The following MCMBP variants were observed in gnomAD, a reference collection of about 807,000 sequenced individuals.
The protein encoded by MCMBP is mini-chromosome maintenance complex-binding protein.
A neutral mutation model predicts 81.3 loss-of-function variants in MCMBP; 31 were observed. The observed-to-expected ratio is 0.38, with a 90% CI of 0.29 to 0.51. MCMBP has a LOEUF of 0.51. Ranked by LOEUF, MCMBP falls within the 20% of genes least tolerant of loss-of-function variation. The pLI, the probability that MCMBP is intolerant of heterozygous loss-of-function variation, is 0.87. For synonymous variants in MCMBP, 267 were observed against 275.9 expected, an observed-to-expected ratio of 0.97 and a Z score of 0.32; for missense variants, 645 against 772.1, an observed-to-expected ratio of 0.84 and a Z score of 1.95.
At chr10:119,865,501 G>A (rs964020691) in intron 1 of MCMBP, among the ~76,000 whole-genome samples, 13 of 152,154 alleles carry the variant, frequency 8.5e-5, no homozygotes, top group Admixed American at 8.5e-4. Context: ...TGAGGCAGGA[G>A]AATTGCTTGA....
chr10:119,866,167 G>T (rs1589801927), intron 1 of MCMBP, among the ~76,000 whole-genome samples: 1 of 151,462 alleles, frequency 6.6e-6, no homozygotes, highest in Non-Finnish European at 1.5e-5. Flanking sequence ...CATGGTAAAT[G>T]AAAAGAAGCC....
chr10:119,852,013 G>A (rs971737471), intron 6 of MCMBP, among the ~76,000 whole-genome samples: 2 of 151,808 alleles, frequency 1.3e-5, no homozygotes, highest in Non-Finnish European at 2.9e-5. Flanking sequence ...TTAGCCAGGC[G>A]TGGTGGCGCA....
At chr10:119,870,341 G>A (rs533042282) in intron 1 of MCMBP, among the ~76,000 whole-genome samples, 2 of 152,094 alleles carry the variant, frequency 1.3e-5, no homozygotes, top group Non-Finnish European at 2.9e-5. Context: ...CAGCTACTCC[G>A]GAGGCTGGGG....
Position 119,831,452 on chromosome 10 carries a change from A to ACTC in MCMBP, c.*19_*21dup, listed in dbSNP as rs1377990579. 6.2e-7 allele frequency: 1 copy of ACTC among 1,612,866 alleles called. No individual in the cohort carries two copies. Among genetic ancestry groups the ACTC allele is most frequent in the Admixed American group, 1.7e-5 (1 of 59,838 alleles). On this transcript the variant is annotated 3_prime_UTR_variant, in exon 16 of 16. Transcript: ENST00000369077. Reference sequence around the variant, plus strand: ...ATTATGTGGCTACAGTTTGCCCATTACTCTTCATAGGTATTACATCTTTAA... The same window carrying ACTC: ...ATTATGTGGCTACAGTTTGCCCATTACTCCTCTTCATAGGTATTACATCTTTAA...
intron 10 of MCMBP, among the ~76,000 whole-genome samples, chr10:119,841,195 C>T (rs528086371): frequency 3.3e-4 from 51 of 152,276 alleles, no homozygotes; most frequent in African/African-American, 1.1e-3. Flanking sequence ...TCATTTAACC[C>T]CTAACCATTC....
chr10:119,836,808 CTT>C (rs767061279), intron 13 of MCMBP, 86 bp downstream of exon 13: 10 of 269,678 alleles, frequency 3.7e-5, no homozygotes, highest in Non-Finnish European at 6.9e-5. Flanking sequence ...ACAAATGTAA[CTT>C]ATTAATAAGC....
chr10:119,867,250 A>G (rs1429401171), intron 1 of MCMBP, among the ~76,000 whole-genome samples: 1 of 121,756 alleles, frequency 8.2e-6, no homozygotes, highest in African/African-American at 3.2e-5. Flanking sequence ...CCGAAATCGC[A>G]CCACTGCCCT....
At chr10:119,863,920 G>A (rs1853355593) in intron 1 of MCMBP, among the ~76,000 whole-genome samples, 1 of 151,956 alleles carries the variant, frequency 6.6e-6, no homozygotes, top group South Asian at 2.1e-4. Context: ...CCAAGATACT[G>A]ATGTTCTAAT....
At chr10:119,838,484 G>T (rs1262686904) in intron 12 of MCMBP, 51 bp downstream of exon 12, 1 of 1,546,280 alleles carries the variant, frequency 6.5e-7, no homozygotes, top group South Asian at 1.2e-5. Context: ...CCTAGATCTG[G>T]CTTTAGTGCG....
At chr10:119,868,824 A>G (rs1300342792) in intron 1 of MCMBP, among the ~76,000 whole-genome samples, 1 of 152,220 alleles carries the variant, frequency 6.6e-6, no homozygotes, top group Non-Finnish European at 1.5e-5. Context: ...AATCAGGCAC[A>G]AGAAATCAGC....
chr10:119,834,340 A>G (rs546407004), intron 14 of MCMBP, among the ~76,000 whole-genome samples: 1 of 152,354 alleles, frequency 6.6e-6, no homozygotes, highest in East Asian at 1.9e-4. Context: ...CAGTGACAGA[A>G]AAATGACTCA....
intron 1 of MCMBP, among the ~76,000 whole-genome samples, chr10:119,863,498 G>T (rs1347180383): frequency 6.6e-6 from 1 of 152,006 alleles, no homozygotes; most frequent in Non-Finnish European, 1.5e-5. Flanking sequence ...TTGGGAGGCC[G>T]AGGCGGGCGG....
intron 14 of MCMBP, among the ~76,000 whole-genome samples, chr10:119,832,554 C>G (rs1467860211): frequency 2.0e-5 from 3 of 152,126 alleles, no homozygotes; most frequent in African/African-American, 7.2e-5. Flanking sequence ...CTCCTAAATT[C>G]CAACCCCTTC....
chr10:119,844,333 A>C (rs545267772), intron 8 of MCMBP, among the ~76,000 whole-genome samples: 1 of 152,352 alleles, frequency 6.6e-6, no homozygotes, highest in South Asian at 2.1e-4. Flanking sequence ...ACTTTATAGA[A>C]TCTATAGACA....
chr10:119,864,249 T>C (rs1271386575), intron 1 of MCMBP, among the ~76,000 whole-genome samples: 1 of 152,260 alleles, frequency 6.6e-6, no homozygotes, highest in Non-Finnish European at 1.5e-5. Flanking sequence ...TTTGATTTTA[T>C]CCCAGTAAGA....
intron 13 of MCMBP, among the ~76,000 whole-genome samples, chr10:119,836,651 C>A (rs928201201): frequency 1.3e-5 from 2 of 151,946 alleles, no homozygotes; most frequent in Non-Finnish European, 2.9e-5. Context: ...CTGCTGCCAA[C>A]AGCCTTGCTG....
intron 1 of MCMBP, among the ~76,000 whole-genome samples, chr10:119,864,367 T>C (rs1007126161): frequency 6.6e-6 from 1 of 152,280 alleles, no homozygotes; most frequent in African/African-American, 2.4e-5. Context: ...ACAGTGGTTT[T>C]TGAGGAACTG....
At chr10:119,851,759 T>C (rs79186541) in intron 6 of MCMBP, among the ~76,000 whole-genome samples, 1,887 of 152,334 alleles carry the variant, frequency 0.012, 37 homozygotes, top group African/African-American at 0.042. Flanking sequence ...CATTAAAATA[T>C]ATCTTAGCAT....
intron 1 of MCMBP, among the ~76,000 whole-genome samples, chr10:119,864,522 T>C (rs1853380010): frequency 6.9e-6 from 1 of 145,818 alleles, no homozygotes; most frequent in Non-Finnish European, 1.5e-5. Context: ...CTACTATTGG[T>C]AATTTGTTTT....
Sources: allele counts gnomAD v4.1 joint callset (sites outside exome capture counted in the v4.1 genomes callset), GRCh38; gene constraint gnomAD v4.1.1; transcripts MANE v1.5; gene names NCBI Gene and HGNC (gene_info 2026-07-23, HGNC 2026-07-21).